Variants in CSMD1 observed in about 807,000 individuals in gnomAD.
CSMD1 encodes CUB and sushi domain-containing protein 1.
A neutral mutation model predicts 417.5 loss-of-function variants in CSMD1; 213 were observed. The ratio of observed to expected loss-of-function variants is 0.51; its 90% CI spans 0.46 to 0.57. The LOEUF is 0.57. Among genes scored for constraint, CSMD1 ranks in the 20% least tolerant of loss-of-function variants. The probability of loss-of-function intolerance (pLI) is 0.00; values close to 1 mark genes in which losing one functional copy is unlikely to be tolerated. For missense variants in CSMD1, 6,923 were observed against 4,529.7 expected, an observed-to-expected ratio of 1.53 and a Z score of -15.17; for synonymous variants, 2,862 against 1,736.8, an observed-to-expected ratio of 1.65 and a Z score of -16.11.
At chr8:4,025,935 A>C (rs1477129475) in intron 4 of CSMD1, among the ~76,000 whole-genome samples, 1 of 152,096 alleles carries the variant, frequency 6.6e-6, no homozygotes, top group Non-Finnish European at 1.5e-5. Flanking sequence ...GCTAGTTTGA[A>C]TAAATTATAA....
intron 23 of CSMD1, among the ~76,000 whole-genome samples, chr8:3,327,268 G>A (rs569066239): frequency 2.0e-5 from 3 of 151,572 alleles, no homozygotes; most frequent in East Asian, 1.9e-4. Context: ...TCAGCCTCCC[G>A]AGTAGCTGGG....
At chr8:3,915,405 C>CAG (rs1554484704) in intron 5 of CSMD1, among the ~76,000 whole-genome samples, 3 of 76,288 alleles carry the variant, frequency 3.9e-5, no homozygotes, top group South Asian at 4.9e-4. Flanking sequence ...GACTCTGTCT[C>CAG]AAAAAAAAAA....
intron 49 of CSMD1, among the ~76,000 whole-genome samples, chr8:3,061,665 A>G (rs1361341322): frequency 3.9e-5 from 6 of 152,194 alleles, no homozygotes; most frequent in Non-Finnish European, 8.8e-5. Context: ...AGTCATATAC[A>G]CAGGTGGTAG....
chr8:2,985,225 C>T (rs1805782136), intron 54 of CSMD1, among the ~76,000 whole-genome samples: 1 of 152,130 alleles, frequency 6.6e-6, no homozygotes, highest in Non-Finnish European at 1.5e-5. Flanking sequence ...ATTTTGTTTT[C>T]AAAAAGAATC....
chr8:3,693,597 C>T (rs565190495), intron 7 of CSMD1, among the ~76,000 whole-genome samples: 1 of 152,050 alleles, frequency 6.6e-6, no homozygotes, highest in African/African-American at 2.4e-5. Context: ...AAAATCCCCA[C>T]CCTTATTCCA....
intron 3 of CSMD1, among the ~76,000 whole-genome samples, chr8:4,201,262 G>A (rs1003033101): frequency 2.0e-5 from 3 of 152,164 alleles, no homozygotes; most frequent in Admixed American, 2.0e-4. Flanking sequence ...TTCAGGGCCG[G>A]GCGCAGTGGC....
chr8:4,447,076 T>A (rs1306917629), intron 2 of CSMD1, among the ~76,000 whole-genome samples: 1 of 152,138 alleles, frequency 6.6e-6, no homozygotes, highest in Non-Finnish European at 1.5e-5. Flanking sequence ...CTAGCCTCAG[T>A]TATGACAGCG....
chr8:4,132,558 AG>A (rs1305364718), intron 3 of CSMD1, among the ~76,000 whole-genome samples: 1 of 152,182 alleles, frequency 6.6e-6, no homozygotes, highest in African/African-American at 2.4e-5. Context: ...GCAATAAATA[AG>A]GCCCTTTGTG....
chr8:4,722,522 G>T (rs1354509353), intron 1 of CSMD1, among the ~76,000 whole-genome samples: 7 of 152,028 alleles, frequency 4.6e-5, no homozygotes, highest in African/African-American at 1.7e-4. Flanking sequence ...TGATTCTTCA[G>T]GAGTATGCTC....
At chr8:3,990,755 C>T (rs1302328262) in intron 5 of CSMD1, among the ~76,000 whole-genome samples, 8 of 152,092 alleles carry the variant, frequency 5.3e-5, no homozygotes, top group Non-Finnish European at 5.9e-5. Flanking sequence ...TGCAGGGGCA[C>T]CTGCTGGTGA....
chr8:3,255,265 G>A (rs773822306), intron 26 of CSMD1, among the ~76,000 whole-genome samples: 23 of 151,972 alleles, frequency 1.5e-4, no homozygotes, highest in Admixed American at 1.2e-3. Context: ...CGTGTGAGGT[G>A]TCAGTCTGCC....
intron 1 of CSMD1, among the ~76,000 whole-genome samples, chr8:4,920,851 GAAAAGAAAAGAAAAGAAA>G (rs1806391727): frequency 3.2e-5 from 2 of 61,946 alleles, no homozygotes; most frequent in African/African-American, 2.5e-4. Context: ...CGAAAGAAAA[GAAAAGAAAAGAAAAGAAA>G]AGAAAAGAAA....
chr8:4,975,905 A>C (rs4875425), intron 1 of CSMD1, among the ~76,000 whole-genome samples: 1 of 152,028 alleles, frequency 6.6e-6, no homozygotes, highest in Non-Finnish European at 1.5e-5. Flanking sequence ...AGTATTTCCT[A>C]TGTTGCTCAC....
At chr8:4,804,106 T>C (rs941337050) in intron 1 of CSMD1, among the ~76,000 whole-genome samples, 40 of 152,330 alleles carry the variant, frequency 2.6e-4, no homozygotes, top group African/African-American at 9.6e-4. Flanking sequence ...ATTAAAATTA[T>C]TTCCACAATA....
chr8:3,303,705 T>C (rs1001472848), intron 25 of CSMD1, among the ~76,000 whole-genome samples: 1 of 152,214 alleles, frequency 6.6e-6, no homozygotes. Flanking sequence ...AAGAAGTTTA[T>C]AATGCTGTTA....
chr8:3,136,700 G>A (rs1257502973), intron 41 of CSMD1, among the ~76,000 whole-genome samples: 2 of 152,120 alleles, frequency 1.3e-5, no homozygotes, highest in South Asian at 2.1e-4. Context: ...ACATGGGTAG[G>A]ACCACCAGTG....
chr8:3,886,026 C>T lies in CSMD1; in HGVS notation c.818+111877G>A, dbSNP rs1018049455. 2.6e-5 allele frequency among the ~76,000 whole-genome samples: 4 copies of T among 151,650 alleles called. No individual in the cohort carries two copies. In the South Asian group the frequency reaches 6.3e-4, roughly 24 times the overall value. On this transcript the variant is annotated intron_variant, in intron 5 of 69. Transcript: ENST00000635120. ...ACATATATATGTGTACATATATATA[C>T]ATACATATATATATATACAGACACA...
chr8:4,006,823 ATTTTTT>A (rs759780050), intron 4 of CSMD1, among the ~76,000 whole-genome samples: 6 of 95,980 alleles, frequency 6.3e-5, no homozygotes, highest in African/African-American at 1.7e-4. Flanking sequence ...GACTTTTCCT[ATTTTTT>A]TTTTTTTTTT....
chr8:3,816,624 G>A (rs573742731), intron 5 of CSMD1, among the ~76,000 whole-genome samples: 2 of 152,190 alleles, frequency 1.3e-5, no homozygotes, highest in East Asian at 1.9e-4. Context: ...CCAAACAGAA[G>A]AGAATAATTT....
Sources: allele counts gnomAD v4.1 joint callset (sites outside exome capture counted in the v4.1 genomes callset), GRCh38; gene constraint gnomAD v4.1.1; transcripts MANE v1.5; gene names NCBI Gene and HGNC (gene_info 2026-07-23, HGNC 2026-07-21).